EPG5: variants seen among roughly 807,000 people sequenced by gnomAD.
EPG5 encodes the protein ectopic P granules protein 5 homolog.
EPG5 carries 159 observed loss-of-function variants against 302.7 expected under a neutral mutation model. That is an observed-to-expected ratio of 0.53 (90% CI 0.46 to 0.60). The LOEUF (loss-of-function observed/expected upper bound fraction) is 0.60. Ranked by LOEUF, EPG5 falls within the 20% of genes least tolerant of loss-of-function variation. The probability of loss-of-function intolerance (pLI) is 0.00; values close to 1 mark genes in which losing one functional copy is unlikely to be tolerated. For synonymous variants in EPG5, 1,158 were observed against 1,136.8 expected (o/e 1.02, Z -0.37); for missense variants, 2,896 against 3,092.4 (o/e 0.94, Z 1.51).
the EPG5 span, chr18:45,837,472 C>T: frequency 2.1e-6 from 3 of 1,436,626 alleles, no homozygotes; most frequent in South Asian, 4.4e-5. Flanking sequence ...GGCGCCTCGA[C>T]CCCAGGGCCC....
Position 45,954,862 on chromosome 18 carries a change from T to A in EPG5, c.540A>T (p.Glu180Asp). 1 of 1,614,180 alleles carries A rather than the reference T, an allele frequency of 6.2e-7. No homozygotes were observed. Among genetic ancestry groups the A allele is most frequent in the Non-Finnish European group, 8.5e-7 (1 of 1,180,018 alleles). The stretch of plus-strand genomic sequence containing the variant: ...AAGAACAAACCAGGCCTTGTTTGTC[T>A]TCTTTACTATTCTGAGTTTCTCTGA... ...IQVRETQNSKEDKQGLVCSSE... is the reference protein window; with the variant it reads ...IQVRETQNSKDDKQGLVCSSE... The change falls in exon 2 of 44, where the codon GAA becomes GAT. Residue 180 changes from glutamate (E) to aspartate (D), a missense_variant. Coordinates refer to ENST00000282041, the MANE Select transcript of EPG5 (RefSeq NM_020964.3).
At chr18:45,836,482 G>A in the EPG5 span, among the ~76,000 whole-genome samples, 4 of 151,974 alleles carry the variant, frequency 2.6e-5, no homozygotes, top group African/African-American at 4.8e-5. Flanking sequence ...CCTCTGAGGC[G>A]CGCTCCCCTC....
rs764959017 is a variant in EPG5 at position 45,930,738 on chromosome 18, G to C, written c.2350C>G (p.Gln784Glu). Reference protein sequence around the residue: ...CLLTTFAQMAQARRTNVDEDF... With the variant: ...CLLTTFAQMAEARRTNVDEDF... ...TCGTCCACATTGGTTCTTCTGGCCT[G>C]AGCCATCTGAGCAAAGGTAGTCAGA... Residue 784 changes from glutamine (Q) to glutamate (E), a missense_variant, in exon 12 of 44, where the codon CAG becomes GAG. This residue lies in a region of EPG5 where 1,390 missense variants were observed against 1,430.0 expected (regional missense o/e 0.97). Coordinates refer to ENST00000282041, the MANE Select transcript of EPG5 (RefSeq NM_020964.3). 1.6e-5 allele frequency: 25 copies of C among 1,611,034 alleles called. 1 individual carries two copies. Among genetic ancestry groups the C allele is most frequent in the Non-Finnish European group, 1.5e-5 (18 of 1,179,006 alleles).
chr18:45,890,814 G>T (rs887985160), intron 27 of EPG5, among the ~76,000 whole-genome samples: 2 of 152,180 alleles, frequency 1.3e-5, no homozygotes, highest in South Asian at 2.1e-4. Context: ...AGCTGTGGGG[G>T]ATATGGGACA....
intron 7 of EPG5, among the ~76,000 whole-genome samples, chr18:45,946,332 A>G (rs555375968): frequency 1.3e-5 from 2 of 152,294 alleles, no homozygotes; most frequent in East Asian, 3.9e-4. Context: ...CTCCTAATAT[A>G]CATCTTATGT....
At chr18:45,886,343 G>A (rs994946416) in intron 29 of EPG5, among the ~76,000 whole-genome samples, 24 of 152,280 alleles carry the variant, frequency 1.6e-4, no homozygotes, top group African/African-American at 5.8e-4. Context: ...TCTGTATCAT[G>A]GAGCACTATA....
chr18:45,884,657 C>A lies in EPG5; in HGVS notation c.5264G>T (p.Ser1755Ile). The change falls in exon 30 of 44, where the codon AGT becomes ATT. Residue 1755 changes from serine to isoleucine, a missense_variant. Ser to Ile is a moderately radical substitution (Grantham distance 142). Transcript: ENST00000282041. Reference sequence around the variant, plus strand: ...GAAAATCATATCACTGTTGTCCTCACTTAGAAACTTCACCACTTGCTCATA... The same window carrying A: ...GAAAATCATATCACTGTTGTCCTCAATTAGAAACTTCACCACTTGCTCATA... ...QLYEQVVKFL[S>I]EDNSDMIFML... The A allele has an allele frequency of 1.2e-6, 2 of 1,609,420 alleles. No homozygotes were observed. Among genetic ancestry groups the A allele is most frequent in the South Asian group, 2.2e-5 (2 of 90,042 alleles).
At chr18:45,809,992 A>C in the EPG5 span, among the ~76,000 whole-genome samples, 1 of 152,192 alleles carries the variant, frequency 6.6e-6, no homozygotes, top group South Asian at 2.1e-4. Context: ...CAAGAAAAGG[A>C]GAAAATCCAA....
intron 35 of EPG5, among the ~76,000 whole-genome samples, chr18:45,873,493 G>C (rs1039069621): frequency 6.6e-6 from 1 of 150,906 alleles, no homozygotes; most frequent in East Asian, 2.0e-4. Flanking sequence ...CTGGGCAACA[G>C]AGTGAGACTC....
At chr18:45,868,013 AC>A (rs1435388475) in intron 36 of EPG5, 1 of 525,576 alleles carries the variant, frequency 1.9e-6, no homozygotes, top group African/African-American at 1.9e-5. Flanking sequence ...ACCTTCCCTA[AC>A]CCCAACCTGG....
Position 45,967,248 on chromosome 18 carries a change from C to G in EPG5, c.-9G>C, listed in dbSNP as rs1449508404. 2 of 1,587,070 alleles carry G rather than the reference C, an allele frequency of 1.3e-6. No individual in the cohort carries two copies. The highest frequency in any genetic ancestry group is 2.7e-5 in the African/African-American group (2 of 73,988). ...TTCACCGCCTCGGCCATAGACCCTTCCGCGGCGCCGTCACCGTTTGTTTTT... is the reference window on the plus strand; with the variant it reads ...TTCACCGCCTCGGCCATAGACCCTTGCGCGGCGCCGTCACCGTTTGTTTTT... On this transcript the variant is annotated 5_prime_UTR_variant, in exon 1 of 44. Transcript: ENST00000282041.
rs542037766 is a variant in EPG5, at chr18:45,949,869, C to T, written c.1390-278G>A. Among the ~76,000 whole-genome samples, 13 of 152,284 alleles carry T rather than the reference C, an allele frequency of 8.5e-5. No individual in the cohort carries two copies. In the South Asian group the frequency reaches 2.7e-3, roughly 32 times the overall value. Reference sequence around the variant, plus strand: ...TGGCCACAAGTGAATAGATATAAGTCAAGTAGTTTAATCTATTCTTAGTTT... The same window carrying T: ...TGGCCACAAGTGAATAGATATAAGTTAAGTAGTTTAATCTATTCTTAGTTT... On this transcript the variant is annotated intron_variant, in intron 4 of 43. Coordinates refer to ENST00000282041, the MANE Select transcript of EPG5 (RefSeq NM_020964.3).
At chr18:45,801,499 C>T in the EPG5 span, among the ~76,000 whole-genome samples, 75 of 152,230 alleles carry the variant, frequency 4.9e-4, no homozygotes, top group African/African-American at 1.7e-3. Context: ...AAACAGGAAA[C>T]CAGCAGGAAA....
At chr18:45,882,239 G>C (rs566162952) in intron 31 of EPG5, 35 bp downstream of exon 31, 2 of 1,485,674 alleles carry the variant, frequency 1.3e-6, no homozygotes, top group African/African-American at 1.4e-5. Flanking sequence ...TATTCACTAA[G>C]ATCTAGTTAG....
rs144419791 is a variant in EPG5, at chr18:45,891,376, G to A, written c.4810-1436C>T. Among the ~76,000 whole-genome samples, 1,142 of 151,946 alleles carry A rather than the reference G, an allele frequency of 7.5e-3. 11 individuals are homozygous for A. The highest frequency in any genetic ancestry group is 0.026 in the African/African-American group (1,089 of 41,432). ...TAACTGGGTGTGGTGGCAGGCACCT[G>A]TAATCCTGGCTACTCAGGAGGCTGA... On this transcript the variant is annotated intron_variant, in intron 27 of 43. Transcript: ENST00000282041.
At chr18:45,811,449 GAC>G in the EPG5 span, among the ~76,000 whole-genome samples, 36 of 152,152 alleles carry the variant, frequency 2.4e-4, no homozygotes, top group African/African-American at 7.9e-4. Flanking sequence ...GCCTGACAGA[GAC>G]ACACACACAC....
At chr18:45,927,292 G>T (rs2050294405) in intron 13 of EPG5, among the ~76,000 whole-genome samples, 1 of 152,114 alleles carries the variant, frequency 6.6e-6, no homozygotes, top group South Asian at 2.1e-4. Context: ...ACCCGCCTCG[G>T]CCTCCCGAAG....
intron 42 of EPG5, among the ~76,000 whole-genome samples, 194 bp from the exon 43 acceptor site, chr18:45,855,881 A>G (rs1364624149): frequency 6.6e-6 from 1 of 152,246 alleles, no homozygotes; most frequent in Non-Finnish European, 1.5e-5. Flanking sequence ...CAATATATGT[A>G]TAATTCAGAT....
At chr18:45,949,441 C>T (rs774975395) in intron 5 of EPG5, 43 bp downstream of exon 5, 2 of 1,187,948 alleles carry the variant, frequency 1.7e-6, no homozygotes, top group South Asian at 1.5e-5. Flanking sequence ...TCTAATAAAA[C>T]CTCTCCCCCA....
Sources: gnomAD v4.1 joint callset for allele counts (sites outside exome capture counted in the v4.1 genomes callset) on GRCh38, gnomAD v4.1.1 for gene constraint, gnomAD v4.1.1 regional missense constraint, MANE v1.5 for transcripts, NCBI Gene and HGNC (gene_info 2026-07-23, HGNC 2026-07-21) for gene names.